C1QTNF3: variants seen among roughly 807,000 people sequenced by gnomAD.
C1QTNF3 encodes the protein C1q and TNF related 3.
A neutral mutation model predicts 32.6 loss-of-function variants in C1QTNF3; 26 were observed. That is an observed-to-expected ratio of 0.80 (90% CI 0.58 to 1.11). The LOEUF (loss-of-function observed/expected upper bound fraction) is 1.11, where lower values mean the gene tolerates loss of function less well. Among genes scored for constraint, C1QTNF3 ranks in the 50% least tolerant of loss-of-function variants. C1QTNF3 has a pLI of 0.00. For synonymous variants in C1QTNF3, 155 were observed against 146.0 expected, an observed-to-expected ratio of 1.06 and a Z score of -0.44; for missense variants, 362 against 398.2, an observed-to-expected ratio of 0.91 and a Z score of 0.77.
chr5:34,155,428 A>G, the C1QTNF3 span, among the ~76,000 whole-genome samples: 1 of 152,186 alleles, frequency 6.6e-6, no homozygotes, highest in Non-Finnish European at 1.5e-5. Flanking sequence ...TGACTAGTAA[A>G]TTGGATTACC....
At chr5:34,207,249 G>A in the C1QTNF3 span, among the ~76,000 whole-genome samples, 2 of 149,282 alleles carry the variant, frequency 1.3e-5, no homozygotes, top group African/African-American at 5.1e-5. Flanking sequence ...CAGTATACTT[G>A]AAATGTGTGA....
At chr5:34,202,799 T>C in the C1QTNF3 span, among the ~76,000 whole-genome samples, 42 of 152,282 alleles carry the variant, frequency 2.8e-4, no homozygotes, top group African/African-American at 9.4e-4. Flanking sequence ...CATACAGTTT[T>C]TTGTTTTTTT....
chr5:34,093,672 G>A, the C1QTNF3 span, among the ~76,000 whole-genome samples: 52 of 143,810 alleles, frequency 3.6e-4, no homozygotes, highest in African/African-American at 1.4e-3. Context: ...ACTTTCCTCT[G>A]ATTGATCCCC....
chr5:34,224,427 C>T, the C1QTNF3 span, among the ~76,000 whole-genome samples: 5 of 152,194 alleles, frequency 3.3e-5, no homozygotes, highest in African/African-American at 9.7e-5. Context: ...GTAACCAAAA[C>T]AGCATGGTAC....
upstream of C1QTNF3, among the ~76,000 whole-genome samples, chr5:34,044,948 G>A (rs779648531): frequency 9.2e-5 from 14 of 152,174 alleles, no homozygotes; most frequent in Non-Finnish European, 2.1e-4. Context: ...CAGACCTGGA[G>A]CTGGAGCTGG....
the C1QTNF3 span, among the ~76,000 whole-genome samples, chr5:34,146,766 G>C: frequency 2.0e-5 from 3 of 151,968 alleles, no homozygotes; most frequent in Admixed American, 2.0e-4. Context: ...AATAATTTTT[G>C]GCTAAGTCCC....
chr5:34,096,010 T>C, the C1QTNF3 span, among the ~76,000 whole-genome samples: 33 of 152,092 alleles, frequency 2.2e-4, no homozygotes, highest in Non-Finnish European at 3.1e-4. Context: ...GGGATGTCAA[T>C]TGCTGACCCA....
the C1QTNF3 span, among the ~76,000 whole-genome samples, chr5:34,077,752 A>T: frequency 1.3e-5 from 2 of 151,478 alleles, no homozygotes; most frequent in Non-Finnish European, 1.5e-5. Flanking sequence ...ATAAGTGTCT[A>T]AAGACTGTCC....
chr5:34,049,367 G>C, the C1QTNF3 span, among the ~76,000 whole-genome samples: 6 of 152,142 alleles, frequency 3.9e-5, no homozygotes, highest in African/African-American at 1.4e-4. Context: ...TTAGGACACA[G>C]TGACCTTCCC....
chr5:34,242,168 T>G, the C1QTNF3 span, among the ~76,000 whole-genome samples: 1 of 152,188 alleles, frequency 6.6e-6, no homozygotes, highest in African/African-American at 2.4e-5. Flanking sequence ...AAAACTACTC[T>G]AAATTTATAT....
the C1QTNF3 span, among the ~76,000 whole-genome samples, chr5:34,108,187 T>C: frequency 1.3e-5 from 2 of 152,052 alleles, no homozygotes; most frequent in Non-Finnish European, 2.9e-5. Context: ...ATCGCTATAT[T>C]ATATCATATC....
chr5:34,213,123 A>G, the C1QTNF3 span, among the ~76,000 whole-genome samples: 1 of 152,232 alleles, frequency 6.6e-6, no homozygotes, highest in Non-Finnish European at 1.5e-5. Flanking sequence ...GGATGAATGC[A>G]TAAATAATGA....
the C1QTNF3 span, among the ~76,000 whole-genome samples, chr5:34,056,444 GTGTGTGTGTGTA>G: frequency 7.2e-3 from 289 of 40,042 alleles, no homozygotes; most frequent in Admixed American, 0.019. Context: ...GTGTGTGTGT[GTGTGTGTGTGTA>G]TATATATATA....
At chr5:34,224,844 C>G in the C1QTNF3 span, among the ~76,000 whole-genome samples, 1 of 152,116 alleles carries the variant, frequency 6.6e-6, no homozygotes, top group Non-Finnish European at 1.5e-5. Context: ...GCAAAAGAAA[C>G]TACCATCAGA....
the C1QTNF3 span, among the ~76,000 whole-genome samples, chr5:34,150,243 C>A: frequency 1.3e-5 from 1 of 79,180 alleles, no homozygotes; most frequent in African/African-American, 6.2e-5. Flanking sequence ...CTTAGACTCC[C>A]ACACATTAAT....
chr5:34,019,710 G>A lies in C1QTNF3; in HGVS notation c.*873C>T, dbSNP rs879061846. On this transcript the variant is annotated 3_prime_UTR_variant, in exon 6 of 6. Transcript: ENST00000382065. ...AGTTTAGAAAGTATCTTTAACAAAGGTGTGTTTATTTCCATATATTGCTCA... is the reference window on the plus strand; with the variant it reads ...AGTTTAGAAAGTATCTTTAACAAAGATGTGTTTATTTCCATATATTGCTCA... 6.6e-6 allele frequency: 1 copy of A among 152,130 alleles called. No homozygotes were observed. Among genetic ancestry groups the A allele is most frequent in the Admixed American group, 6.6e-5 (1 of 15,234 alleles). The allele number at this position is 152,130 out of a possible 1,614,324, so 9.4% of individuals were successfully genotyped here.
At chr5:34,082,880 G>A in the C1QTNF3 span, among the ~76,000 whole-genome samples, 1 of 151,726 alleles carries the variant, frequency 6.6e-6, no homozygotes, top group African/African-American at 2.4e-5. Flanking sequence ...GAATACATAT[G>A]TACATATGTT....
In C1QTNF3 at chr5:34,020,803, A is replaced by G. The variant is rs923205704; in HGVS notation, c.801-61T>C. ...TGCCATGAACAACCAGCTCTTCACC[A>G]AAGTCTGTGCTCCCCTTCTCTCCTT... On this transcript the variant is annotated intron_variant, in intron 5 of 5. Coordinates refer to ENST00000382065, the MANE Select transcript of C1QTNF3 (RefSeq NM_181435.6). 14 of 1,535,254 alleles carry G rather than the reference A, an allele frequency of 9.1e-6. No homozygotes were observed. The African/African-American group carries it at 1.4e-4, about 15-fold the overall frequency.
intron 4 of C1QTNF3, among the ~76,000 whole-genome samples, chr5:34,028,000 T>C (rs1754513411): frequency 6.6e-6 from 1 of 151,612 alleles, no homozygotes; most frequent in East Asian, 1.9e-4. Flanking sequence ...TGAGACGGAG[T>C]CTCGCTCTGT....
Sources: allele counts gnomAD v4.1 joint callset (sites outside exome capture counted in the v4.1 genomes callset), GRCh38; gene constraint gnomAD v4.1.1; transcripts MANE v1.5; gene names NCBI Gene and HGNC (gene_info 2026-07-23, HGNC 2026-07-21).